HCRTR2: variants seen among roughly 807,000 people sequenced by gnomAD.
The protein encoded by HCRTR2 is orexin receptor type 2.
HCRTR2 carries 22 observed loss-of-function variants against 49.0 expected under a neutral mutation model. The ratio of observed to expected loss-of-function variants is 0.45; its 90% CI spans 0.32 to 0.64. The LOEUF (loss-of-function observed/expected upper bound fraction) is 0.64. Among genes scored for constraint, HCRTR2 ranks in the 30% least tolerant of loss-of-function variants. The pLI is 0.04. For missense variants in HCRTR2, 491 were observed against 559.4 expected (o/e 0.88, Z 1.23); for synonymous variants, 236 against 205.3 (o/e 1.15, Z -1.28).
chr6:55,161,255 G>A (rs1050195865), intron 1 of HCRTR2, among the ~76,000 whole-genome samples: 1 of 152,082 alleles, frequency 6.6e-6, no homozygotes, highest in Non-Finnish European at 1.5e-5. Flanking sequence ...ATGAAATTAA[G>A]GCAGAAATAA....
chr6:55,276,645 T>C (rs1767081522), intron 4 of HCRTR2, among the ~76,000 whole-genome samples: 1 of 152,184 alleles, frequency 6.6e-6, no homozygotes, highest in South Asian at 2.1e-4. Flanking sequence ...CCTGCTATTA[T>C]CAAATAACTT....
At position 55,230,397 on chromosome 6, in the gene HCRTR2, A is replaced by G. The variant is rs547039437; in HGVS notation, c.224-18242A>G. 3.3e-5 allele frequency among the ~76,000 whole-genome samples: 5 copies of G among 152,328 alleles called. No homozygotes were observed. In the South Asian group the frequency reaches 1.0e-3, roughly 32 times the overall value. On this transcript the variant is annotated intron_variant, in intron 1 of 6. Transcript: ENST00000370862. ...CTTCATTACTCAGAGCATAATCCCT[A>G]GAAAGCAGCAGTCATTATCTAACCC...
chr6:55,143,627 T>G (rs570345850), intron 1 of HCRTR2, among the ~76,000 whole-genome samples: 5 of 152,346 alleles, frequency 3.3e-5, no homozygotes, highest in Non-Finnish European at 5.9e-5. Context: ...TAGCTAACAT[T>G]TATTTAGTGA....
At chr6:55,254,709 A>G (rs1766616076) in intron 2 of HCRTR2, among the ~76,000 whole-genome samples, 1 of 151,930 alleles carries the variant, frequency 6.6e-6, no homozygotes, top group South Asian at 2.1e-4. Context: ...AATTTAGAAG[A>G]AAGACATATT....
At chr6:55,190,973 A>G (rs1237176638) in intron 1 of HCRTR2, among the ~76,000 whole-genome samples, 1 of 152,292 alleles carries the variant, frequency 6.6e-6, no homozygotes, top group Non-Finnish European at 1.5e-5. Flanking sequence ...GTAGTTTTCC[A>G]TTTGACAAAA....
chr6:55,270,078 C>T (rs966361391), intron 4 of HCRTR2, among the ~76,000 whole-genome samples: 3 of 152,158 alleles, frequency 2.0e-5, no homozygotes, highest in Non-Finnish European at 4.4e-5. Flanking sequence ...TATGAATTCA[C>T]TGTATTGCTG....
intron 1 of HCRTR2, among the ~76,000 whole-genome samples, chr6:55,192,409 G>A (rs563517928): frequency 2.7e-4 from 31 of 114,130 alleles, no homozygotes; most frequent in Middle Eastern, 4.5e-3. Context: ...ACACGCGCGC[G>A]CGCGCACACA....
chr6:55,168,853 G>A (rs1228087132), intron 1 of HCRTR2, among the ~76,000 whole-genome samples: 7 of 152,002 alleles, frequency 4.6e-5, no homozygotes, highest in African/African-American at 1.7e-4. Flanking sequence ...GTTAATGTAT[G>A]TAACGTACTT....
In HCRTR2 at chr6:55,282,207, A is replaced by G. The variant is rs372884288; in HGVS notation, c.1106-18A>G. The G allele has an allele frequency of 1.9e-6, 3 of 1,572,208 alleles. No homozygotes were observed. Among genetic ancestry groups the G allele is most frequent in the Non-Finnish European group, 2.6e-6 (3 of 1,143,428 alleles). On this transcript the variant is annotated intron_variant, in intron 6 of 6. Transcript: ENST00000370862. ...TTTATGTATAATTCCTTTTCCTTTC[A>G]TTCTCTCTGTTTGCCAGGAAAATTT...
intron 1 of HCRTR2, among the ~76,000 whole-genome samples, chr6:55,196,716 A>G (rs1765423597): frequency 6.6e-6 from 1 of 152,198 alleles, no homozygotes; most frequent in Non-Finnish European, 1.5e-5. Context: ...AAAAGAGAGA[A>G]AATGAGGTTA....
chr6:55,158,568 A>C (rs992368398), intron 1 of HCRTR2, among the ~76,000 whole-genome samples: 3 of 152,080 alleles, frequency 2.0e-5, no homozygotes, highest in African/African-American at 7.2e-5. Context: ...TGAAATTCTC[A>C]CTGCCAGTGC....
chr6:55,113,605 A>G (rs1051051075), intron 1 of HCRTR2, among the ~76,000 whole-genome samples: 2 of 151,386 alleles, frequency 1.3e-5, no homozygotes, highest in African/African-American at 4.8e-5. Context: ...TGCAAGAGTA[A>G]TTTTATCCAT....
At chr6:55,187,049 A>T (rs1221664046) in intron 1 of HCRTR2, among the ~76,000 whole-genome samples, 1 of 151,862 alleles carries the variant, frequency 6.6e-6, no homozygotes, top group African/African-American at 2.4e-5. Flanking sequence ...CTGCCTTCAA[A>T]CTCCTAAAAT....
chr6:55,262,097 A>T (rs1766768212), intron 3 of HCRTR2, among the ~76,000 whole-genome samples: 1 of 151,642 alleles, frequency 6.6e-6, no homozygotes, highest in Admixed American at 6.6e-5. Flanking sequence ...GATAAAATGG[A>T]CTTCAGGTAC....
chr6:55,205,175 G>T (rs1011246019), intron 1 of HCRTR2, among the ~76,000 whole-genome samples: 3 of 152,172 alleles, frequency 2.0e-5, no homozygotes, highest in African/African-American at 7.2e-5. Flanking sequence ...TTCTAGAGAA[G>T]TCTGGGTTGA....
At chr6:55,273,965 C>A (rs559334351) in intron 4 of HCRTR2, among the ~76,000 whole-genome samples, 1 of 150,404 alleles carries the variant, frequency 6.6e-6, no homozygotes, top group African/African-American at 2.4e-5. Flanking sequence ...TTTTATAAGT[C>A]TTGCAACCAA....
intron 1 of HCRTR2, among the ~76,000 whole-genome samples, chr6:55,231,010 T>C (rs1223399600): frequency 1.3e-5 from 2 of 152,186 alleles, no homozygotes; most frequent in Non-Finnish European, 2.9e-5. Context: ...ATAACTCTGA[T>C]ACCCATAGGC....
chr6:55,153,817 G>A (rs974250792), intron 1 of HCRTR2, among the ~76,000 whole-genome samples: 1 of 151,518 alleles, frequency 6.6e-6, no homozygotes, highest in African/African-American at 2.4e-5. Flanking sequence ...AAATAATATA[G>A]AGAATGAAAA....
chr6:55,226,673 T>C (rs1766010714), intron 1 of HCRTR2, among the ~76,000 whole-genome samples: 3 of 151,684 alleles, frequency 2.0e-5, no homozygotes, highest in Non-Finnish European at 4.4e-5. Context: ...TGTATTTATG[T>C]TTAGGCTCTG....
Sources: allele counts gnomAD v4.1 joint callset (sites outside exome capture counted in the v4.1 genomes callset), GRCh38; gene constraint gnomAD v4.1.1; transcripts MANE v1.5; gene names NCBI Gene and HGNC (gene_info 2026-07-23, HGNC 2026-07-21).